SLC2A7: variants seen among roughly 807,000 people sequenced by gnomAD.
The protein encoded by SLC2A7 is solute carrier family 2, facilitated glucose transporter member 7.
Under a neutral mutation model 50.5 loss-of-function variants are expected in SLC2A7, and 50 were observed. The observed-to-expected ratio is 0.99, with a 90% confidence interval of 0.79 to 1.25. The LOEUF (loss-of-function observed/expected upper bound fraction) is 1.25. Ranked by LOEUF, SLC2A7 falls within the 50% of genes most tolerant of loss-of-function variation. The probability of loss-of-function intolerance (pLI) is 0.00; values close to 1 mark genes in which losing one functional copy is unlikely to be tolerated. For synonymous variants in SLC2A7, 308 were observed against 300.4 expected (o/e 1.03, Z -0.26); for missense variants, 683 against 679.1 (o/e 1.01, Z -0.06).
Position 9,018,222 on chromosome 1 carries a change from C to A in SLC2A7, c.589+1G>T, listed in dbSNP as rs765024881. ...GCGTGACCTCTGCGGCTGCCGGTTACCTGCCGGGTTGCCCAAGATGGCCTG... is the reference window on the plus strand; with the variant it reads ...GCGTGACCTCTGCGGCTGCCGGTTAACTGCCGGGTTGCCCAAGATGGCCTG... On this transcript the variant is annotated splice_donor_variant, in intron 5 of 11. Coordinates refer to ENST00000400906, the MANE Select transcript of SLC2A7 (RefSeq NM_207420.3). LOFTEE classifies it high-confidence loss of function. 1 of 1,614,066 alleles carries A rather than the reference C, an allele frequency of 6.2e-7. No homozygotes were observed. Among genetic ancestry groups the A allele is most frequent in the Non-Finnish European group, 8.5e-7 (1 of 1,180,000 alleles).
the SLC2A7 span, among the ~76,000 whole-genome samples, chr1:8,992,625 CA>C: frequency 6.6e-6 from 1 of 152,090 alleles, no homozygotes; most frequent in African/African-American, 2.4e-5. Flanking sequence ...CCTTTGTTTT[CA>C]GAGACAGAAA....
chr1:9,002,511 CCTTAAA>C (rs1640589492), downstream of SLC2A7, among the ~76,000 whole-genome samples: 1 of 152,190 alleles, frequency 6.6e-6, no homozygotes, highest in Non-Finnish European at 1.5e-5. Context: ...CAGCACCTTT[CCTTAAA>C]CTTATTTATG....
At chr1:8,995,062 C>A in the SLC2A7 span, among the ~76,000 whole-genome samples, 1 of 144,364 alleles carries the variant, frequency 6.9e-6, no homozygotes, top group Non-Finnish European at 1.5e-5. Flanking sequence ...TGAGCCACCA[C>A]GCCTGGCCAG....
In SLC2A7 at chr1:9,023,835, C is replaced by CTTTTTTTT. The variant is rs1557653846; in HGVS notation, c.151-758_151-757insAAAAAAAA. Among the ~76,000 whole-genome samples, 93 of 65,986 alleles carry CTTTTTTTT rather than the reference C, an allele frequency of 1.4e-3. 9 individuals carry two copies. The highest frequency in any genetic ancestry group is 2.0e-3 in the East Asian group (3 of 1,504). The allele number at this position is 65,986 out of a possible 152,430, so 43.3% of individuals were successfully genotyped here. A position where few individuals can be genotyped will look rare whatever the true frequency, so the allele number is the denominator to read the frequency against. ...CAGAGGCACCATAGGAAATATTCTTCTTCTTTTTTTTTTTTTTTTTTTTTT... is the reference window on the plus strand; with the variant it reads ...CAGAGGCACCATAGGAAATATTCTTCTTTTTTTTTTCTTTTTTTTTTTTTTTTTTTTTT... On this transcript the variant is annotated intron_variant, in intron 2 of 11. Coordinates refer to ENST00000400906, the MANE Select transcript of SLC2A7 (RefSeq NM_207420.3).
chr1:9,004,838 A>G lies in SLC2A7; in HGVS notation c.1234T>C (p.Ser412Pro), dbSNP rs1170271816. The G allele has an allele frequency of 2.5e-6, 4 of 1,613,932 alleles. No individual in the cohort carries two copies. The highest frequency in any genetic ancestry group is 3.4e-6 in the Non-Finnish European group (4 of 1,179,956). Reference protein sequence around the residue: ...SVVRTEIFLQSSRRAAFMVDG... With the variant: ...SVVRTEIFLQPSRRAAFMVDG... ...ACCATGAAAGCTGCCCGCCGGGAGG[A>G]CTGCAGGAAGATCTCGGTCCTCACC... The change falls in exon 11 of 12, where the codon TCC (serine) becomes CCC (proline). Residue 412 changes from serine (S) to proline (P), a missense_variant. By Grantham distance (74) the Ser-to-Pro change is moderately conservative. Coordinates refer to ENST00000400906, the MANE Select transcript of SLC2A7 (RefSeq NM_207420.3).
At chr1:9,006,110 T>C (rs1037525272) in intron 10 of SLC2A7, among the ~76,000 whole-genome samples, 6 of 152,212 alleles carry the variant, frequency 3.9e-5, no homozygotes, top group Non-Finnish European at 7.3e-5. Context: ...AGAAGCACCA[T>C]GGCTTGCTCC....
chr1:9,004,601 G>C, intron 11 of SLC2A7, 151 bp downstream of exon 11: 2 of 913,872 alleles, frequency 2.2e-6, no homozygotes, highest in Non-Finnish European at 3.4e-6. Flanking sequence ...GGGTTTGCAG[G>C]CAGTGGGGCC....
rs143792916 is a variant in SLC2A7 at position 9,008,484 on chromosome 1, G to A, written c.1117-1099C>T. Among the ~76,000 whole-genome samples the A allele has an allele frequency of 2.2e-4, 34 of 152,338 alleles. No homozygotes were observed. The highest frequency in any genetic ancestry group is 9.8e-4 in the Admixed American group (15 of 15,298). On this transcript the variant is annotated intron_variant, in intron 9 of 11. Transcript: ENST00000400906. The surrounding 1 kb of genome is among the most constrained non-coding windows in gnomAD (Gnocchi z 5.9). ...GGACAGAAGGAGTGAAAGAGCCACCGGGGATGCCCCTAGGTTTCAGAAGTG... is the reference window on the plus strand; with the variant it reads ...GGACAGAAGGAGTGAAAGAGCCACCAGGGATGCCCCTAGGTTTCAGAAGTG...
chr1:9,025,102 C>G (rs374881051), intron 1 of SLC2A7, 28 bp from the exon 2 acceptor site: 8 of 1,610,418 alleles, frequency 5.0e-6, no homozygotes, highest in Non-Finnish European at 6.8e-6. Flanking sequence ...AAGGTCGGGA[C>G]GCTGTGGGCT....
downstream of SLC2A7, among the ~76,000 whole-genome samples, chr1:8,999,956 C>G (rs1039773531): frequency 2.6e-5 from 4 of 152,124 alleles, no homozygotes; most frequent in African/African-American, 9.7e-5. Context: ...GAAGATGAAC[C>G]CTGACCTTTG....
chr1:9,015,600 G>A (rs903917967), intron 5 of SLC2A7, among the ~76,000 whole-genome samples: 20 of 152,142 alleles, frequency 1.3e-4, no homozygotes, highest in African/African-American at 4.8e-4. Flanking sequence ...TGGACCCTGC[G>A]CTGGGTCTGA....
chr1:9,015,022 C>A, intron 6 of SLC2A7, 95 bp downstream of exon 6: 1 of 1,560,946 alleles, frequency 6.4e-7, no homozygotes, highest in East Asian at 2.3e-5. Context: ...AGCTCTCACC[C>A]CTGACCCATG....
intron 9 of SLC2A7, 114 bp downstream of exon 9, chr1:9,010,029 A>T: frequency 1.1e-6 from 1 of 887,438 alleles, no homozygotes; most frequent in Non-Finnish European, 1.8e-6. Context: ...GGCAGGATGC[A>T]TGCCATCAGT....
At chr1:9,021,735 C>CA in intron 3 of SLC2A7, among the ~76,000 whole-genome samples, 1 of 152,350 alleles carries the variant, frequency 6.6e-6, no homozygotes, top group Non-Finnish European at 1.5e-5. Context: ...GCAGCCCCGA[C>CA]ACGTTCCCAC....
chr1:9,010,070 G>A, intron 9 of SLC2A7, 73 bp downstream of exon 9: 1 of 1,409,932 alleles, frequency 7.1e-7, no homozygotes, highest in East Asian at 2.5e-5. Context: ...TGGTGCAGCG[G>A]GCCCGGTTCA....
Sources: allele counts gnomAD v4.1 joint callset (sites outside exome capture counted in the v4.1 genomes callset), GRCh38; gene constraint gnomAD v4.1.1; non-coding constraint Gnocchi (gnomAD v3.1); transcripts MANE v1.5; gene names NCBI Gene and HGNC (gene_info 2026-07-23, HGNC 2026-07-21).